Variants in FGF14 observed in about 807,000 individuals in gnomAD.
FGF14 encodes fibroblast growth factor homologous factor 4.
A neutral mutation model predicts 25.5 loss-of-function variants in FGF14; 5 were observed. The ratio of observed to expected loss-of-function variants is 0.20; its 90% CI spans 0.10 to 0.41. The LOEUF (loss-of-function observed/expected upper bound fraction) is 0.41, where lower values mean the gene tolerates loss of function less well. Ranked by LOEUF, FGF14 falls within the 10% of genes least tolerant of loss-of-function variation. The probability of loss-of-function intolerance (pLI) is 1.00; values close to 1 mark genes in which losing one functional copy is unlikely to be tolerated. For missense variants in FGF14, 222 were observed against 320.1 expected (o/e 0.69, Z 2.34); for synonymous variants, 138 against 118.3 (o/e 1.17, Z -1.08).
chr13:101,844,805 C>T (rs1027515540), intron 3 of FGF14, among the ~76,000 whole-genome samples: 12 of 151,980 alleles, frequency 7.9e-5, no homozygotes, highest in African/African-American at 2.9e-4. Context: ...ACACGCATAC[C>T]TTGGCAAATC....
chr13:101,968,065 C>A (rs1336691437), intron 1 of FGF14, among the ~76,000 whole-genome samples: 3 of 152,160 alleles, frequency 2.0e-5, no homozygotes, highest in Non-Finnish European at 4.4e-5. Context: ...TGATTGTCTT[C>A]ATTTTATTAG....
intron 1 of FGF14, among the ~76,000 whole-genome samples, chr13:102,252,613 C>G (rs571069336): frequency 3.2e-4 from 49 of 152,128 alleles, no homozygotes; most frequent in African/African-American, 1.2e-3. Context: ...ATGTAAATAG[C>G]TGTTATACTC....
chr13:101,834,603 A>G (rs1360269390), intron 3 of FGF14, among the ~76,000 whole-genome samples: 1 of 152,074 alleles, frequency 6.6e-6, no homozygotes, highest in Non-Finnish European at 1.5e-5. Context: ...GGAGACCTGG[A>G]AAAAGAACTG....
intron 1 of FGF14, among the ~76,000 whole-genome samples, chr13:101,977,281 C>T (rs1206575263): frequency 3.9e-5 from 6 of 152,118 alleles, no homozygotes; most frequent in Non-Finnish European, 5.9e-5. Context: ...CAGGAAAGTA[C>T]TGCTTATGAA....
At chr13:102,014,677 C>G (rs549105724) in intron 1 of FGF14, among the ~76,000 whole-genome samples, 2 of 152,252 alleles carry the variant, frequency 1.3e-5, no homozygotes, top group East Asian at 3.9e-4. Context: ...AAACACAAGT[C>G]TTCCATTTTC....
At chr13:101,986,210 GC>G (rs2038569481) in intron 1 of FGF14, among the ~76,000 whole-genome samples, 1 of 152,106 alleles carries the variant, frequency 6.6e-6, no homozygotes, top group East Asian at 1.9e-4. Context: ...TTATTTTCTA[GC>G]TTTTCATAAG....
chr13:102,239,814 A>G (rs1450092390), intron 1 of FGF14, among the ~76,000 whole-genome samples: 1 of 152,188 alleles, frequency 6.6e-6, no homozygotes, highest in Non-Finnish European at 1.5e-5. Flanking sequence ...ACAACAGGTC[A>G]TCTTCCAAAA....
In FGF14 at chr13:101,972,833, G is replaced by A. The variant is rs1401610701; in HGVS notation, c.209-97537C>T. ...TTAAAGTTGTATTTTATTTTACTTT[G>A]TTCAGGTAAGCCAAAGCCAATAAAT... is the stretch of plus-strand genomic sequence containing the variant. On this transcript the variant is annotated intron_variant, in intron 1 of 4. Transcript: ENST00000376131. Among the ~76,000 whole-genome samples the A allele has an allele frequency of 4.6e-5, 7 of 152,230 alleles. No homozygotes were observed. The East Asian group carries it at 5.8e-4, about 13-fold the overall frequency.
chr13:101,888,716 A>G (rs148452566), intron 1 of FGF14, among the ~76,000 whole-genome samples: 1 of 152,208 alleles, frequency 6.6e-6, no homozygotes, highest in Non-Finnish European at 1.5e-5. Flanking sequence ...TCCCTGATCA[A>G]CTCAAAGGCA....
chr13:102,052,517 T>TA (rs1477199437), intron 1 of FGF14, among the ~76,000 whole-genome samples: 25 of 144,250 alleles, frequency 1.7e-4, no homozygotes, highest in Non-Finnish European at 2.8e-4. Context: ...ACAGAGAGGA[T>TA]ACTAAAAGTA....
At chr13:102,271,775 C>T (rs753461811) in intron 1 of FGF14, among the ~76,000 whole-genome samples, 1 of 152,146 alleles carries the variant, frequency 6.6e-6, no homozygotes, top group Non-Finnish European at 1.5e-5. Flanking sequence ...AAGTAGACAG[C>T]ATGGCACAAA....
chr13:102,352,665 AG>A (rs1397210905), intron 1 of FGF14, among the ~76,000 whole-genome samples: 1 of 151,962 alleles, frequency 6.6e-6, no homozygotes, highest in Non-Finnish European at 1.5e-5. Context: ...ACAAAAAATT[AG>A]CCGGGGGCGG....
chr13:101,935,300 A>G (rs990739739), intron 1 of FGF14, among the ~76,000 whole-genome samples: 1 of 152,296 alleles, frequency 6.6e-6, no homozygotes. Flanking sequence ...AGTCCTCACT[A>G]ACCAGGCAAT....
At chr13:101,798,104 T>C (rs1484351409) in intron 3 of FGF14, among the ~76,000 whole-genome samples, 2 of 152,132 alleles carry the variant, frequency 1.3e-5, no homozygotes, top group Non-Finnish European at 2.9e-5. Context: ...TTTTTGTATT[T>C]GATCTTAAGG....
intron 1 of FGF14, among the ~76,000 whole-genome samples, chr13:102,190,860 T>C (rs898487541): frequency 3.3e-5 from 5 of 152,120 alleles, no homozygotes; most frequent in Non-Finnish European, 7.4e-5. Context: ...TGAATCTCAA[T>C]GAGAACAGTG....
At chr13:101,999,840 T>C (rs1419418305) in intron 1 of FGF14, among the ~76,000 whole-genome samples, 1 of 152,156 alleles carries the variant, frequency 6.6e-6, no homozygotes. Context: ...TTTCTGTTAG[T>C]GGTTCACACT....
chr13:102,173,306 G>A (rs759064059), intron 1 of FGF14, among the ~76,000 whole-genome samples: 6 of 152,016 alleles, frequency 3.9e-5, no homozygotes, highest in East Asian at 1.9e-4. Flanking sequence ...CTGTTAAGAT[G>A]ACTGTCATAA....
intron 1 of FGF14, chr13:102,293,860 T>C (rs767929212): frequency 6.6e-6 from 1 of 152,198 alleles, no homozygotes; most frequent in Non-Finnish European, 1.5e-5. Flanking sequence ...TTATAACGAA[T>C]ATTTTTGGCA....
At chr13:102,369,590 T>A (rs921120910) in intron 1 of FGF14, among the ~76,000 whole-genome samples, 1 of 152,146 alleles carries the variant, frequency 6.6e-6, no homozygotes, top group Admixed American at 6.5e-5. Flanking sequence ...GGCCACCTGC[T>A]CCTTACCTGT....
Sources: allele counts gnomAD v4.1 joint callset (sites outside exome capture counted in the v4.1 genomes callset), GRCh38; gene constraint gnomAD v4.1.1; transcripts MANE v1.5; gene names NCBI Gene and HGNC (gene_info 2026-07-23, HGNC 2026-07-21).